The following ECE1 variants were observed in gnomAD, a reference collection of about 807,000 sequenced individuals.
The protein encoded by ECE1 is endothelin converting enzyme 1, also known as endothelin-converting enzyme 1.
In ECE1, 35 loss-of-function variants were observed where a neutral mutation model predicts 98.6. That is an observed-to-expected ratio of 0.35 (90% confidence interval 0.27 to 0.47). The LOEUF (loss-of-function observed/expected upper bound fraction) is 0.47. Ranked by LOEUF, ECE1 falls within the 20% of genes least tolerant of loss-of-function variation. The pLI is 1.00. For synonymous variants in ECE1, 394 were observed against 407.1 expected (o/e 0.97, Z 0.39); for missense variants, 814 against 1,025.3 (o/e 0.79, Z 2.81).
In ECE1 at chr1:21,258,832, C is replaced by A; in HGVS notation, c.623G>T (p.Gly208Val). 1 of 1,614,110 alleles carries A rather than the reference C, an allele frequency of 6.2e-7. No homozygotes were observed. The highest frequency in any genetic ancestry group is 8.5e-7 in the Non-Finnish European group (1 of 1,180,020). ...PLMELIERLGGWNITGPWAKD... is the reference protein window; with the variant it reads ...PLMELIERLGVWNITGPWAKD... ...GGCCCAGGGACCTGTGATGTTCCAG[C>A]CCCCGAGCTGTGGGGAGGGAGAGCA... The change falls in exon 6 of 19, where the codon GGC becomes GTC. Residue 208 changes from glycine (G) to valine (V), a missense_variant. Gly to Val is a moderately radical substitution (Grantham distance 109, BLOSUM62 -3). Around this residue, in one of 3 missense-constraint regions of ECE1, gnomAD observed 257 missense variants for 278.9 expected, o/e 0.92. Transcript: ENST00000374893. This position sits in a 1 kb window ranked among gnomAD's most constrained non-coding sequence, Gnocchi z 4.2.
At chr1:21,321,843 T>C (rs1425800711) in intron 1 of ECE1, among the ~76,000 whole-genome samples, 1 of 152,224 alleles carries the variant, frequency 6.6e-6, no homozygotes, top group Non-Finnish European at 1.5e-5. Context: ...CTCGAACTCC[T>C]GACCTCAAGT....
rs1202293749 is a variant in ECE1, at chr1:21,290,191, G to T, written c.52-35C>A. 2 of 1,499,764 alleles carry T rather than the reference G, an allele frequency of 1.3e-6. No individual in the cohort carries two copies. Among genetic ancestry groups the T allele is most frequent in the Admixed American group, 2.3e-5 (1 of 44,396 alleles). 92.9% of individuals were successfully genotyped at this position (1,499,764 alleles called of 1,614,324 possible). The stretch of plus-strand genomic sequence containing the variant: ...CAAATGCAGCACGGACTCCCTCAGC[G>T]CCTCCATGGCTCTCGCGCCCGAATG... On this transcript the variant is annotated intron_variant, in intron 1 of 18. Coordinates refer to ENST00000374893, the MANE Select transcript of ECE1 (RefSeq NM_001397.3). The surrounding 1 kb of genome is among the most constrained non-coding windows in gnomAD (Gnocchi z 7.3).
At chr1:21,259,242 G>A (rs1415828553) in intron 5 of ECE1, among the ~76,000 whole-genome samples, 1 of 152,142 alleles carries the variant, frequency 6.6e-6, no homozygotes, top group East Asian at 1.9e-4. Context: ...GTAAATTACG[G>A]TCTACTTTAG....
chr1:21,345,093 A>G lies in ECE1; in HGVS notation c.3+283T>C, dbSNP rs1639472130. ...AAAACAGACCGCAGCAACCGTCCCCAAAGCGAACCGGGGACCCCGAGCCCC... is the reference window on the plus strand; with the variant it reads ...AAAACAGACCGCAGCAACCGTCCCCGAAGCGAACCGGGGACCCCGAGCCCC... On this transcript the variant is annotated intron_variant, in intron 1 of 18. Coordinates refer to the ECE1 transcript ENST00000415912. The surrounding 1 kb of genome is among the most constrained non-coding windows in gnomAD (Gnocchi z 5.1). The G allele has an allele frequency of 4.2e-6, 1 of 235,320 alleles. No homozygotes were observed. The highest frequency in any genetic ancestry group is 7.9e-6 in the Non-Finnish European group (1 of 125,978). The allele number at this position is 235,320 out of a possible 1,614,324, so 14.6% of individuals were successfully genotyped here. A position where few individuals can be genotyped will look rare whatever the true frequency, so the allele number is the denominator to read the frequency against.
intron 1 of ECE1, among the ~76,000 whole-genome samples, chr1:21,296,522 A>G (rs562117922): frequency 6.6e-6 from 1 of 152,204 alleles, no homozygotes; most frequent in African/African-American, 2.4e-5. Flanking sequence ...CAACTACAAA[A>G]AAAAGAGAGA....
At chr1:21,305,557 G>T (rs183544383) in intron 1 of ECE1, among the ~76,000 whole-genome samples, 2 of 152,112 alleles carry the variant, frequency 1.3e-5, no homozygotes, top group Non-Finnish European at 2.9e-5. Context: ...TCAGACCACC[G>T]GGGCCAAGAA....
chr1:21,223,841 G>A (rs1053112142), intron 17 of ECE1, among the ~76,000 whole-genome samples: 4 of 151,132 alleles, frequency 2.6e-5, no homozygotes, highest in East Asian at 2.0e-4. Flanking sequence ...CAAATGATCC[G>A]CCCACCTCGG....
At chr1:21,339,381 G>A (rs1172402417) in intron 1 of ECE1, among the ~76,000 whole-genome samples, 1 of 152,184 alleles carries the variant, frequency 6.6e-6, no homozygotes. Context: ...TTCCCAGGAA[G>A]GCCAAGTTTC....
Position 21,244,980 on chromosome 1 carries a change from C to T in ECE1, c.1278+9G>A, listed in dbSNP as rs755120432. ...GCCCATATTCAGGCATACGCAGTAG[C>T]AGGCTCACCTTCTTGGTCCCGTACA... On this transcript the variant is annotated intron_variant, in intron 10 of 18. Coordinates refer to ENST00000374893, the MANE Select transcript of ECE1 (RefSeq NM_001397.3). 6.2e-7 allele frequency: 1 copy of T among 1,612,634 alleles called. No individual in the cohort carries two copies.
rs1204036271 is a variant in ECE1, at chr1:21,260,400, AACAG to A, written c.494-12_494-9del. ...CGCTGGCCGTGGAGTTTTCTGGAAC[AACAG>A]ACAGTGGAGTTTGCAATGCGGCCCC... On this transcript the variant is annotated splice_polypyrimidine_tract_variant and intron_variant, in intron 4 of 18. Coordinates refer to ENST00000374893, the MANE Select transcript of ECE1 (RefSeq NM_001397.3). The surrounding 1 kb of genome is among the most constrained non-coding windows in gnomAD (Gnocchi z 4.3). The A allele has an allele frequency of 5.0e-6, 8 of 1,614,080 alleles. No homozygotes were observed. Among genetic ancestry groups the A allele is most frequent in the Non-Finnish European group, 6.8e-6 (8 of 1,180,052 alleles).
At chr1:21,256,179 C>A (rs554626274) in intron 7 of ECE1, 41 bp from the exon 8 acceptor site, 52 of 1,570,320 alleles carry the variant, frequency 3.3e-5, no homozygotes, top group East Asian at 1.1e-4. Context: ...GCTGCCCCCC[C>A]ACTATCCACT....
At chr1:21,280,320 C>A (rs935928629) in intron 2 of ECE1, among the ~76,000 whole-genome samples, 5 of 152,174 alleles carry the variant, frequency 3.3e-5, no homozygotes, top group Non-Finnish European at 5.9e-5. Context: ...AGCACCAACT[C>A]AGGGCCATGC....
At chr1:21,243,295 T>C (rs2098198843) in intron 10 of ECE1, among the ~76,000 whole-genome samples, 1 of 152,162 alleles carries the variant, frequency 6.6e-6, no homozygotes, top group African/African-American at 2.4e-5. Flanking sequence ...ATCATCATTA[T>C]GTAAGTGAGT....
rs531377168 is a variant in ECE1 at position 21,252,526 on chromosome 1, T to G, written c.1020+3421A>C. On this transcript the variant is annotated intron_variant, in intron 8 of 18. Transcript: ENST00000374893. ...CTTCATCTCAGCTGGAGAAATGGGG[T>G]AGAAAATGGGGCTCAGGCCCAAACA... Among the ~76,000 whole-genome samples, 25 of 152,042 alleles carry G rather than the reference T, an allele frequency of 1.6e-4. No individual in the cohort carries two copies. The South Asian group carries it at 5.2e-3, about 32-fold the overall frequency.
chr1:21,290,039 T>A lies in ECE1; in HGVS notation c.138+31A>T. On this transcript the variant is annotated intron_variant, in intron 2 of 18. Transcript: ENST00000374893. This position sits in a 1 kb window ranked among gnomAD's most constrained non-coding sequence, Gnocchi z 7.3. ...CGCGCATGCCCGGGCCCGGGGCGCC[T>A]GGACCTCGGGAGGGAGCGGAGGGCG... 1 of 1,260,070 alleles carries A rather than the reference T, an allele frequency of 7.9e-7. No individual in the cohort carries two copies. The highest frequency in any genetic ancestry group is 1.7e-5 in the South Asian group (1 of 59,236). The allele number at this position is 1,260,070 out of a possible 1,614,324, so 78.1% of individuals were successfully genotyped here. A position where few individuals can be genotyped will look rare whatever the true frequency, so the allele number is the denominator to read the frequency against.
rs554626274 is a variant in ECE1 at position 21,256,179 on chromosome 1, C to G, written c.829-41G>C. On this transcript the variant is annotated intron_variant, in intron 7 of 18. Transcript: ENST00000374893. ...CCCAAACTGTCAGTGGCTGCCCCCC[C>G]ACTATCCACTGGACGAGAGTTGGTG... 45 of 1,570,320 alleles carry G rather than the reference C, an allele frequency of 2.9e-5. 1 individual carries two copies. The highest frequency in any genetic ancestry group is 1.9e-4 in the Admixed American group (11 of 57,344).
At chr1:21,273,338 CGTGTGTGCGTGTGTGTGTGTGTGTGT>C (rs1376958318) in intron 3 of ECE1, among the ~76,000 whole-genome samples, 3 of 122,334 alleles carry the variant, frequency 2.5e-5, no homozygotes, top group African/African-American at 8.5e-5. Context: ...TGTGCCCGTG[CGTGTGTGCGTGTGTGTGTGTGTGTGT>C]GTGTGTGTGT....
At chr1:21,311,509 CAAAAAAA>C (rs397979522) in intron 1 of ECE1, among the ~76,000 whole-genome samples, 4 of 74,288 alleles carry the variant, frequency 5.4e-5, no homozygotes, top group African/African-American at 5.5e-5. Flanking sequence ...CCTGTCTCCA[CAAAAAAA>C]AAAAAAAAAA....
chr1:21,298,523 G>A (rs926391091), intron 1 of ECE1: 1 of 339,416 alleles, frequency 2.9e-6, no homozygotes. Flanking sequence ...ATCCTTACAC[G>A]TCTTAAAAAA....
Sources: gnomAD v4.1 joint callset for allele counts (sites outside exome capture counted in the v4.1 genomes callset) on GRCh38, gnomAD v4.1.1 for gene constraint, gnomAD v4.1.1 regional missense constraint, Gnocchi (gnomAD v3.1) non-coding constraint, MANE v1.5 for transcripts, NCBI Gene and HGNC (gene_info 2026-07-23, HGNC 2026-07-21) for gene names.